The following HUWE1 variants were observed in gnomAD, a reference collection of about 807,000 sequenced individuals.
HUWE1 encodes the protein HECT, UBA and WWE domain containing E3 ubiquitin protein ligase 1.
Under a neutral mutation model 299.4 loss-of-function variants are expected in HUWE1, and 18 were observed. The observed-to-expected ratio is 0.06, with a 90% confidence interval of 0.04 to 0.09. HUWE1 has a LOEUF of 0.09. HUWE1 is among the 10% of genes least tolerant of loss of function. The pLI, the probability that HUWE1 is intolerant of heterozygous loss-of-function variation, is 1.00. For synonymous variants in HUWE1, 1,317 were observed against 1,286.1 expected (o/e 1.02, Z -0.51); for missense variants, 1,832 against 3,462.3 (o/e 0.53, Z 11.82).
chrX:53,634,398 TCTCTATGTATATA>T (rs1172350132), intron 7 of HUWE1, 100 bp from the exon 8 acceptor site: 3 of 578,962 alleles, frequency 5.2e-6, no homozygotes, highest in South Asian at 2.3e-5. Context: ...TCTCTCTTTC[TCTCTATGTATATA>T]CACATACATA....
In HUWE1 at chrX:53,603,514, C is replaced by T. The variant is rs2064991719; in HGVS notation, c.2743-13G>A. Reference sequence around the variant, plus strand: ...AACGAATTTCACTCTGCAATCATAACAAGAATTTCACCTTTGGGATGTTCT... The same window carrying T: ...AACGAATTTCACTCTGCAATCATAATAAGAATTTCACCTTTGGGATGTTCT... On this transcript the variant is annotated splice_polypyrimidine_tract_variant and intron_variant, in intron 26 of 83. Transcript: ENST00000262854. The T allele has an allele frequency of 1.5e-5, 18 of 1,204,818 alleles. No homozygotes were observed. The highest frequency in any genetic ancestry group is 2.3e-4 in the Middle Eastern group (1 of 4,332).
At chrX:53,653,128 A>G (rs782383873) in intron 4 of HUWE1, among the ~76,000 whole-genome samples, 32 of 112,272 alleles carry the variant, frequency 2.9e-4, no homozygotes, top group Admixed American at 5.6e-4. Context: ...CCTGTGTGAC[A>G]GAGCAAAACC....
Position 53,627,446 on chromosome X carries a change from T to C in HUWE1, c.1453A>G (p.Thr485Ala). The change falls in exon 17 of 84, where the codon ACA (threonine) becomes GCA (alanine). Residue 485 changes from threonine (T) to alanine (A), a missense_variant. Thr to Ala is a moderately conservative substitution (Grantham distance 58). Transcript: ENST00000262854. ...IKPKIQRPNT[T>A]QEGEEMETDM... ...GTTTCCATTTCCTCTCCTTCTTGTG[T>C]AGTATTGGGTCTCTGGATCTTTGGC... 4.2e-6 allele frequency: 5 copies of C among 1,192,927 alleles called. No homozygotes were observed. The highest frequency in any genetic ancestry group is 5.7e-6 in the Non-Finnish European group (5 of 879,308).
intron 7 of HUWE1, among the ~76,000 whole-genome samples, chrX:53,639,630 C>T (rs1557029135): frequency 1.7e-4 from 19 of 111,897 alleles, no homozygotes. Flanking sequence ...GAGAAGAATA[C>T]ATTTGAGGTT....
chrX:53,539,171 A>C (rs1384921739), intron 75 of HUWE1, 91 bp from the exon 76 acceptor site: 2 of 967,848 alleles, frequency 2.1e-6, no homozygotes, highest in African/African-American at 3.9e-5. Context: ...TATAAAAATA[A>C]ATAAGGAAGA....
intron 14 of HUWE1, 38 bp from the exon 15 acceptor site, chrX:53,628,658 C>A: frequency 8.3e-7 from 1 of 1,199,826 alleles, no homozygotes; most frequent in Admixed American, 2.2e-5. Context: ...CAAAAACAAG[C>A]TCAAAATTGC....
intron 49 of HUWE1, among the ~76,000 whole-genome samples, chrX:53,566,703 C>T (rs1159606233): frequency 5.4e-5 from 6 of 111,393 alleles, no homozygotes; most frequent in Non-Finnish European, 9.4e-5. Flanking sequence ...CCACCAGCCT[C>T]GGCTGTGATC....
intron 3 of HUWE1, among the ~76,000 whole-genome samples, chrX:53,662,399 T>C (rs2069049905): frequency 8.9e-6 from 1 of 111,756 alleles, no homozygotes; most frequent in Non-Finnish European, 1.9e-5. Context: ...CGCTGGAATG[T>C]TTTTGCCACC....
chrX:53,546,630 G>A (rs781798127), intron 69 of HUWE1, 38 bp from the exon 70 acceptor site: 1 of 1,209,241 alleles, frequency 8.3e-7, no homozygotes, highest in East Asian at 3.0e-5. Flanking sequence ...GCCCCAGCCT[G>A]AGAACAAAAT....
intron 22 of HUWE1, among the ~76,000 whole-genome samples, 192 bp downstream of exon 22, chrX:53,615,548 CTTCT>C (rs1557006608): frequency 8.9e-6 from 1 of 111,964 alleles, no homozygotes; most frequent in African/African-American, 3.2e-5. Context: ...TTAACAGAGA[CTTCT>C]TTCTAAGATG....
In HUWE1 at chrX:53,593,615, A is replaced by C. The variant is rs782813723; in HGVS notation, c.3504-14T>G. 1.1e-5 allele frequency: 13 copies of C among 1,138,856 alleles called. No homozygotes were observed. In the East Asian group the frequency reaches 3.9e-4, roughly 34 times the overall value. 93.9% of individuals were successfully genotyped at this position (1,138,856 alleles called of 1,213,427 possible). ...CAGTTGAAAGTTCTAAATTCAAATA[A>C]GGAAAAGTAGACAGAATATTAGTAT... On this transcript the variant is annotated splice_polypyrimidine_tract_variant and intron_variant, in intron 31 of 83. Transcript: ENST00000262854.
At chrX:53,534,292 A>G (rs929507487) in intron 82 of HUWE1, 95 bp from the exon 83 acceptor site, 8 of 818,382 alleles carry the variant, frequency 9.8e-6, no homozygotes, top group Admixed American at 4.9e-5. Context: ...TGGACTTGGT[A>G]TCTGAGGCAA....
chrX:53,593,249 G>T, intron 32 of HUWE1, 115 bp downstream of exon 32: 1 of 556,399 alleles, frequency 1.8e-6, no homozygotes, highest in Non-Finnish European at 3.1e-6. Context: ...CCCTATCTGG[G>T]AGTTGGATCC....
intron 28 of HUWE1, among the ~76,000 whole-genome samples, chrX:53,601,443 CAA>C (rs1334819933): frequency 9.0e-6 from 1 of 110,788 alleles, no homozygotes; most frequent in African/African-American, 3.3e-5. Flanking sequence ...CTCAGCCTCC[CAA>C]AGTGTTGGGA....
In HUWE1 at chrX:53,550,774, A is replaced by G. The variant is rs1556927996; in HGVS notation, c.9386-6T>C. 6.6e-6 allele frequency: 8 copies of G among 1,209,691 alleles called. No homozygotes were observed. The highest frequency in any genetic ancestry group is 4.3e-5 in the Admixed American group (2 of 46,076). ...ACTTAAGCGACTGGTGAAAGCTGGAAGGAAAGAAAAAGAAAACTGAGATTG... is the reference window on the plus strand; with the variant it reads ...ACTTAAGCGACTGGTGAAAGCTGGAGGGAAAGAAAAAGAAAACTGAGATTG... On this transcript the variant is annotated splice_region_variant and splice_polypyrimidine_tract_variant and intron_variant, in intron 65 of 83. Transcript: ENST00000262854.
At chrX:53,648,497 T>G (rs1557037657) in intron 4 of HUWE1, among the ~76,000 whole-genome samples, 187 bp from the exon 5 acceptor site, 1 of 105,959 alleles carries the variant, frequency 9.4e-6, no homozygotes, top group Non-Finnish European at 1.9e-5. Flanking sequence ...AAAATGCTTT[T>G]ATTCCCCCAA....
At chrX:53,599,585 T>A (rs1569482214) in intron 29 of HUWE1, among the ~76,000 whole-genome samples, 1 of 112,279 alleles carries the variant, frequency 8.9e-6, no homozygotes, top group Non-Finnish European at 1.9e-5. Flanking sequence ...GCTGCCAAAG[T>A]GACTTTAATA....
chrX:53,534,375 A>G (rs1286071455), intron 82 of HUWE1, 141 bp downstream of exon 82: 1 of 664,843 alleles, frequency 1.5e-6, no homozygotes, highest in South Asian at 2.7e-5. Context: ...ATGCTTCAGG[A>G]GAACAAAGAG....
chrX:53,651,245 T>G (rs994258131), intron 4 of HUWE1, among the ~76,000 whole-genome samples: 1 of 110,193 alleles, frequency 9.1e-6, no homozygotes, highest in African/African-American at 3.3e-5. Flanking sequence ...TACACTCACG[T>G]TGCCATCACC....
Sources: gnomAD v4.1 joint callset for allele counts (sites outside exome capture counted in the v4.1 genomes callset) on GRCh38, gnomAD v4.1.1 for gene constraint, MANE v1.5 for transcripts, NCBI Gene and HGNC (gene_info 2026-07-23, HGNC 2026-07-21) for gene names.